NALF1: variants seen among roughly 807,000 people sequenced by gnomAD.
NALF1 encodes the protein family with sequence similarity 155 member A.
In NALF1, 3 loss-of-function variants were observed where a neutral mutation model predicts 48.4. The ratio of observed to expected loss-of-function variants is 0.06; its 90% CI spans 0.03 to 0.16. The LOEUF (loss-of-function observed/expected upper bound fraction) is 0.16, where lower values mean the gene tolerates loss of function less well. Ranked by LOEUF, NALF1 falls within the 10% of genes least tolerant of loss-of-function variation. The pLI is 1.00. For synonymous variants in NALF1, 262 were observed against 245.7 expected (o/e 1.07, Z -0.62); for missense variants, 526 against 571.5 (o/e 0.92, Z 0.81).
intron 1 of NALF1, among the ~76,000 whole-genome samples, chr13:107,586,258 A>T (rs1369482440): frequency 1.3e-5 from 2 of 152,116 alleles, no homozygotes; most frequent in African/African-American, 4.8e-5. Context: ...CTCATTTACA[A>T]AGTGGGGCAA....
Position 107,612,271 on chromosome 13 carries a change from G to GA in NALF1, c.915+253410dup, listed in dbSNP as rs557752715. The stretch of plus-strand genomic sequence containing the variant: ...GAAATTTGCCAGGGGAGGGGAAGAG[G>GA]AAAAAAGCAGGGTTGCTGTTCAGTA... On this transcript the variant is annotated intron_variant, in intron 1 of 2. Transcript: ENST00000375915. 2.1e-3 allele frequency among the ~76,000 whole-genome samples: 325 copies of GA among 151,894 alleles called. 1 individual carries two copies. The highest frequency in any genetic ancestry group is 3.3e-3 in the Non-Finnish European group (225 of 67,882).
intron 1 of NALF1, among the ~76,000 whole-genome samples, chr13:107,438,338 T>C (rs1007767256): frequency 6.6e-6 from 1 of 152,238 alleles, no homozygotes; most frequent in Non-Finnish European, 1.5e-5. Context: ...TTATCTGATC[T>C]GCTTAAAGTT....
chr13:107,656,851 G>A (rs549221263), intron 1 of NALF1, among the ~76,000 whole-genome samples: 10 of 152,238 alleles, frequency 6.6e-5, no homozygotes, highest in South Asian at 2.1e-4. Context: ...AATGGCATTC[G>A]TAGCAACCTA....
At chr13:107,758,496 C>T (rs886902421) in intron 1 of NALF1, among the ~76,000 whole-genome samples, 13 of 151,982 alleles carry the variant, frequency 8.6e-5, no homozygotes, top group East Asian at 1.9e-4. Context: ...CTGAGGCGGG[C>T]GGATCATGAG....
intron 1 of NALF1, among the ~76,000 whole-genome samples, chr13:107,850,852 A>C (rs1880293107): frequency 6.6e-6 from 1 of 152,066 alleles, no homozygotes; most frequent in Admixed American, 6.6e-5. Context: ...GCAGCGAGCC[A>C]AGATAGCACT....
At chr13:107,603,605 T>A (rs1442480146) in intron 1 of NALF1, among the ~76,000 whole-genome samples, 1 of 152,148 alleles carries the variant, frequency 6.6e-6, no homozygotes, top group African/African-American at 2.4e-5. Context: ...AACAGATGAG[T>A]AATGAACACA....
chr13:107,636,392 C>T (rs1368082278), intron 1 of NALF1, among the ~76,000 whole-genome samples: 1 of 152,158 alleles, frequency 6.6e-6, no homozygotes, highest in Non-Finnish European at 1.5e-5. Context: ...ATAGAACTCA[C>T]AATATGGAAC....
At chr13:107,213,994 C>T (rs1879821706) in intron 1 of NALF1, among the ~76,000 whole-genome samples, 1 of 152,094 alleles carries the variant, frequency 6.6e-6, no homozygotes, top group African/African-American at 2.4e-5. Context: ...CAGGTAGCTA[C>T]CAGCGTGATA....
In NALF1 at chr13:107,176,471, T is replaced by C. The variant is rs557447900; in HGVS notation, c.1088-5685A>G. On this transcript the variant is annotated intron_variant, in intron 2 of 2. Coordinates refer to ENST00000375915, the MANE Select transcript of NALF1 (RefSeq NM_001080396.3). ...TCCTGGCTAACACGGTGAAACCCCA[T>C]CTCTACTAAAAATACAAAAAATTAG... 5.5e-3 allele frequency among the ~76,000 whole-genome samples: 830 copies of C among 151,982 alleles called. 7 individuals carry two copies. The highest frequency in any genetic ancestry group is 0.01 in the Middle Eastern group (3 of 294).
In NALF1 at chr13:107,219,205, T is replaced by C. The variant is rs150407564; in HGVS notation, c.916-8450A>G. ...CTTATCTAGAGTCGGAATGGGCCCG[T>C]AGTAAATGAAAGCACCTTTTGTGGA... is the stretch of plus-strand genomic sequence containing the variant. On this transcript the variant is annotated intron_variant, in intron 1 of 2. Transcript: ENST00000375915. 4.2e-3 allele frequency among the ~76,000 whole-genome samples: 638 copies of C among 152,188 alleles called. 3 individuals are homozygous for C. The highest frequency in any genetic ancestry group is 0.014 in the African/African-American group (596 of 41,528).
chr13:107,228,928 G>A (rs1880163886), intron 1 of NALF1, among the ~76,000 whole-genome samples: 1 of 152,010 alleles, frequency 6.6e-6, no homozygotes, highest in East Asian at 2.0e-4. Context: ...CCTGGGTGCT[G>A]GTACCTCTTG....
chr13:107,322,789 G>A (rs1336450746), intron 1 of NALF1, among the ~76,000 whole-genome samples: 4 of 152,216 alleles, frequency 2.6e-5, no homozygotes, highest in Admixed American at 6.5e-5. Context: ...GCAAAGTGGA[G>A]GCTGAGTTGC....
intron 2 of NALF1, among the ~76,000 whole-genome samples, chr13:107,192,272 C>T (rs947982741): frequency 6.6e-6 from 1 of 152,148 alleles, no homozygotes. Flanking sequence ...GACCCAAAGA[C>T]CCTGACCCAA....
At chr13:107,185,362 C>G (rs1163465790) in intron 2 of NALF1, among the ~76,000 whole-genome samples, 1 of 151,938 alleles carries the variant, frequency 6.6e-6, no homozygotes, top group African/African-American at 2.4e-5. Context: ...GCCTCCAGAA[C>G]AGTGCGTGTT....
chr13:107,630,745 A>AAT (rs3073021), intron 1 of NALF1, among the ~76,000 whole-genome samples: 21 of 150,720 alleles, frequency 1.4e-4, no homozygotes, highest in East Asian at 3.9e-4. Flanking sequence ...CGGTTTGTAA[A>AAT]ATATATATAT....
chr13:107,574,062 TGGTATTTAG>T lies in NALF1; in HGVS notation c.915+291611_915+291619del, dbSNP rs544988448. On this transcript the variant is annotated intron_variant, in intron 1 of 2. Coordinates refer to ENST00000375915, the MANE Select transcript of NALF1 (RefSeq NM_001080396.3). ...GAAAACAAAAAACAATAAAGGTATA[TGGTATTTAG>T]GTCCCCAGTGTAAGAGTTCTGTCTA... Among the ~76,000 whole-genome samples the T allele has an allele frequency of 3.7e-3, 557 of 152,304 alleles. 5 individuals are homozygous for T. The highest frequency in any genetic ancestry group is 0.013 in the African/African-American group (539 of 41,568).
intron 1 of NALF1, among the ~76,000 whole-genome samples, chr13:107,445,900 T>C (rs1450401663): frequency 6.6e-6 from 1 of 152,188 alleles, no homozygotes; most frequent in Non-Finnish European, 1.5e-5. Context: ...TTTGGACTTT[T>C]TATTATAATG....
chr13:107,520,760 A>T (rs1232633833), intron 1 of NALF1, among the ~76,000 whole-genome samples: 2 of 152,138 alleles, frequency 1.3e-5, no homozygotes, highest in African/African-American at 2.4e-5. Flanking sequence ...ATCACCATCC[A>T]CTAAATGCTG....
chr13:107,695,284 T>G (rs1300670561), intron 1 of NALF1, among the ~76,000 whole-genome samples: 2 of 152,142 alleles, frequency 1.3e-5, no homozygotes, highest in African/African-American at 4.8e-5. Flanking sequence ...CTCCAGAGAG[T>G]TGACAGACAG....
Sources: gnomAD v4.1 joint callset for allele counts (sites outside exome capture counted in the v4.1 genomes callset) on GRCh38, gnomAD v4.1.1 for gene constraint, MANE v1.5 for transcripts, NCBI Gene and HGNC (gene_info 2026-07-23, HGNC 2026-07-21) for gene names.